OSBPL6: variants seen among roughly 807,000 people sequenced by gnomAD.
OSBPL6 encodes the protein oxysterol binding protein like 6.
A neutral mutation model predicts 125.8 loss-of-function variants in OSBPL6; 49 were observed. The observed-to-expected ratio is 0.39, with a 90% CI of 0.31 to 0.49. The LOEUF is 0.49. OSBPL6 is among the 20% of genes least tolerant of loss of function. The pLI is 0.88. For missense variants in OSBPL6, 986 were observed against 1,135.4 expected, an observed-to-expected ratio of 0.87 and a Z score of 1.89; for synonymous variants, 394 against 391.8, an observed-to-expected ratio of 1.01 and a Z score of -0.07.
chr2:178,233,103 C>A (rs989136702), intron 1 of OSBPL6, among the ~76,000 whole-genome samples: 2 of 152,174 alleles, frequency 1.3e-5, no homozygotes, highest in Non-Finnish European at 2.9e-5. Flanking sequence ...TTCTTATTTT[C>A]TACTTGTTAC....
At chr2:178,224,615 G>A (rs1269377517) in intron 1 of OSBPL6, among the ~76,000 whole-genome samples, 4 of 152,210 alleles carry the variant, frequency 2.6e-5, no homozygotes, top group Non-Finnish European at 4.4e-5. Flanking sequence ...AATCAGAACT[G>A]TTATAGATTA....
rs374536611 is a variant in OSBPL6 at position 178,339,801 on chromosome 2, A to G, written c.987+37A>G. 19 of 1,503,992 alleles carry G rather than the reference A, an allele frequency of 1.3e-5. No individual in the cohort carries two copies. The African/African-American group carries it at 2.0e-4, about 16-fold the overall frequency. The allele number at this position is 1,503,992 out of a possible 1,614,324, so 93.2% of individuals were successfully genotyped here. A position where few individuals can be genotyped will look rare whatever the true frequency, so the allele number is the denominator to read the frequency against. ...ACTTTTCCTTCATTCACGTTTCTACATATTTTTAAAGTACTAGTCTTTATA... is the reference window on the plus strand; with the variant it reads ...ACTTTTCCTTCATTCACGTTTCTACGTATTTTTAAAGTACTAGTCTTTATA... On this transcript the variant is annotated intron_variant, in intron 11 of 24. Coordinates refer to ENST00000190611, the MANE Select transcript of OSBPL6 (RefSeq NM_032523.4).
chr2:178,329,219 G>T (rs553390078), intron 5 of OSBPL6, among the ~76,000 whole-genome samples: 98 of 152,212 alleles, frequency 6.4e-4, no homozygotes, highest in Non-Finnish European at 1.2e-3. Context: ...CCAGAAGTTT[G>T]TTTACTGCTC....
At chr2:178,384,284 G>A in intron 18 of OSBPL6, 108 bp downstream of exon 18, 1 of 1,399,556 alleles carries the variant, frequency 7.1e-7, no homozygotes, top group Non-Finnish European at 9.8e-7. Flanking sequence ...GATACCAGTT[G>A]TGAATTCGAA....
At chr2:178,265,342 G>A (rs563524769) in intron 1 of OSBPL6, among the ~76,000 whole-genome samples, 1 of 151,056 alleles carries the variant, frequency 6.6e-6, no homozygotes, top group South Asian at 2.1e-4. Flanking sequence ...TTCCTAAGTA[G>A]CTGGAAACAC....
chr2:178,324,327 T>C, intron 4 of OSBPL6, 58 bp downstream of exon 4: 1 of 1,271,812 alleles, frequency 7.9e-7, no homozygotes, highest in Non-Finnish European at 1.1e-6. Context: ...TGGGGCCAAT[T>C]GAACTGTGAA....
chr2:178,198,543 C>T (rs2089042119), intron 1 of OSBPL6, among the ~76,000 whole-genome samples: 1 of 151,306 alleles, frequency 6.6e-6, no homozygotes, highest in Admixed American at 6.6e-5. Flanking sequence ...GAGGTCTGAC[C>T]CAGGAGGCAG....
At chr2:178,267,508 A>C (rs1389006171) in intron 1 of OSBPL6, among the ~76,000 whole-genome samples, 1 of 152,170 alleles carries the variant, frequency 6.6e-6, no homozygotes, top group African/African-American at 2.4e-5. Context: ...CAAAAGCTAC[A>C]TCTAATACTC....
Position 178,396,528 on chromosome 2 carries a change from G to A in OSBPL6, c.*969G>A, listed in dbSNP as rs1401683528. On this transcript the variant is annotated 3_prime_UTR_variant, in exon 25 of 25. Transcript: ENST00000190611. ...CATATGGAATTCCTGTGTGGGCTTA[G>A]TAGTACTATAAATGTAATTGTTTTT... 2 of 152,240 alleles carry A rather than the reference G, an allele frequency of 1.3e-5. No homozygotes were observed. Among genetic ancestry groups the A allele is most frequent in the South Asian group, 2.1e-4 (1 of 4,834 alleles). The allele number at this position is 152,240 out of a possible 1,614,324, so 9.4% of individuals were successfully genotyped here.
chr2:178,198,314 T>G (rs2089025876), intron 1 of OSBPL6, among the ~76,000 whole-genome samples: 1 of 152,130 alleles, frequency 6.6e-6, no homozygotes, highest in African/African-American at 2.4e-5. Context: ...ATTTTTTTTT[T>G]TCTTTCCAGA....
intron 8 of OSBPL6, 130 bp from the exon 9 acceptor site, chr2:178,336,168 AGAG>A: frequency 8.6e-7 from 1 of 1,163,196 alleles, no homozygotes; most frequent in Non-Finnish European, 1.2e-6. Context: ...CATTTAGCCA[AGAG>A]GCTTCTTCCA....
chr2:178,201,564 A>T (rs2089261167), intron 1 of OSBPL6, among the ~76,000 whole-genome samples: 1 of 152,210 alleles, frequency 6.6e-6, no homozygotes, highest in Non-Finnish European at 1.5e-5. Flanking sequence ...TTAGTGGCTC[A>T]ATATCTAAGA....
intron 11 of OSBPL6, among the ~76,000 whole-genome samples, chr2:178,346,961 G>A (rs1400966797): frequency 6.6e-6 from 1 of 152,152 alleles, no homozygotes; most frequent in East Asian, 1.9e-4. Flanking sequence ...ATTGCAATTT[G>A]AATGGAACAT....
At chr2:178,221,853 T>A (rs1310672882) in intron 1 of OSBPL6, among the ~76,000 whole-genome samples, 1 of 152,236 alleles carries the variant, frequency 6.6e-6, no homozygotes, top group African/African-American at 2.4e-5. Context: ...GGCTTCACTT[T>A]CCTGAGTTCA....
intron 1 of OSBPL6, among the ~76,000 whole-genome samples, chr2:178,254,025 G>A (rs2091792077): frequency 6.6e-6 from 1 of 152,118 alleles, no homozygotes; most frequent in Admixed American, 6.5e-5. Context: ...TCTGCAGAGA[G>A]TCCCCACCAG....
intron 1 of OSBPL6, among the ~76,000 whole-genome samples, chr2:178,281,909 C>A (rs1329215587): frequency 3.9e-5 from 6 of 152,116 alleles, no homozygotes; most frequent in African/African-American, 7.2e-5. Flanking sequence ...CACACATTTA[C>A]CTGTGTAACA....
In OSBPL6 at chr2:178,395,773, A is replaced by T. The variant is rs1052140835; in HGVS notation, c.*214A>T. On this transcript the variant is annotated 3_prime_UTR_variant, in exon 25 of 25. Coordinates refer to ENST00000190611, the MANE Select transcript of OSBPL6 (RefSeq NM_032523.4). The stretch of plus-strand genomic sequence containing the variant: ...CTGTTTTGCTGCAACCATATTCCTT[A>T]AAAAAAAAAAAAAAAAAAAAAAAAA... The T allele has an allele frequency of 5.0e-5, 4 of 80,122 alleles. No individual in the cohort carries two copies. Among genetic ancestry groups the T allele is most frequent in the East Asian group, 6.3e-4 (2 of 3,184 alleles). The allele number at this position is 80,122 out of a possible 1,614,324, so 5.0% of individuals were successfully genotyped here.
chr2:178,351,500 T>C (rs536992925), intron 12 of OSBPL6, among the ~76,000 whole-genome samples: 22 of 152,238 alleles, frequency 1.4e-4, no homozygotes, highest in African/African-American at 4.6e-4. Flanking sequence ...TAAAATAAAA[T>C]ACTTAGGAAT....
At chr2:178,255,295 G>A (rs894736965) in intron 1 of OSBPL6, among the ~76,000 whole-genome samples, 6 of 152,222 alleles carry the variant, frequency 3.9e-5, no homozygotes, top group Non-Finnish European at 7.3e-5. Flanking sequence ...GCAACAGGGC[G>A]AGACTCCGTC....
Sources: allele counts gnomAD v4.1 joint callset (sites outside exome capture counted in the v4.1 genomes callset), GRCh38; gene constraint gnomAD v4.1.1; transcripts MANE v1.5; gene names NCBI Gene and HGNC (gene_info 2026-07-23, HGNC 2026-07-21).